Variants in EIF4G3 observed in about 807,000 individuals in gnomAD.
EIF4G3 encodes the protein eIF-4-gamma 3.
Under a neutral mutation model 186.4 loss-of-function variants are expected in EIF4G3, and 34 were observed. That is an observed-to-expected ratio of 0.18 (90% CI 0.14 to 0.24). EIF4G3 has a LOEUF of 0.24. Among genes scored for constraint, EIF4G3 ranks in the 10% least tolerant of loss-of-function variants. EIF4G3 has a pLI of 1.00. For synonymous variants in EIF4G3, 673 were observed against 679.5 expected (o/e 0.99, Z 0.15); for missense variants, 1,536 against 1,948.5 (o/e 0.79, Z 3.99).
chr1:20,878,867 G>C (rs1226059788), intron 20 of EIF4G3, among the ~76,000 whole-genome samples: 1 of 152,174 alleles, frequency 6.6e-6, no homozygotes, highest in Non-Finnish European at 1.5e-5. Flanking sequence ...CAGTTTCTAT[G>C]ACATGAAATT....
At chr1:21,034,976 G>A (rs1400738633) in intron 4 of EIF4G3, among the ~76,000 whole-genome samples, 1 of 152,098 alleles carries the variant, frequency 6.6e-6, no homozygotes, top group African/African-American at 2.4e-5. Flanking sequence ...CATCACCCCT[G>A]CCCTGGATGC....
intron 2 of EIF4G3, among the ~76,000 whole-genome samples, chr1:21,138,679 C>G (rs2097289430): frequency 6.6e-6 from 1 of 151,976 alleles, no homozygotes; most frequent in African/African-American, 2.4e-5. Flanking sequence ...GGCATGATGG[C>G]ACACGCCTGT....
rs533436891 is a variant in EIF4G3, at chr1:21,028,350, A to C, written c.-67+22516T>G. Among the ~76,000 whole-genome samples the C allele has an allele frequency of 4.0e-5, 6 of 150,518 alleles. No individual in the cohort carries two copies. In the South Asian group the frequency reaches 1.2e-3, roughly 31 times the overall value. On this transcript the variant is annotated intron_variant, in intron 4 of 36. Coordinates refer to ENST00000602326, the MANE Select transcript of EIF4G3 (RefSeq NM_001391906.1). ...AAAAAGAGAAAGGTTCAGAGATAAT[A>C]AAGTAAGTTGCCCAAGGTCACACAT...
intron 4 of EIF4G3, among the ~76,000 whole-genome samples, chr1:21,050,493 T>A (rs1021069209): frequency 2.0e-5 from 3 of 152,184 alleles, no homozygotes; most frequent in Non-Finnish European, 4.4e-5. Flanking sequence ...AGTTTTCACA[T>A]AAGTAGAAAA....
rs532360380 is a variant in EIF4G3, at chr1:20,962,821, A to C, written c.714+6653T>G. On this transcript the variant is annotated intron_variant, in intron 12 of 36. Transcript: ENST00000602326. ...CCCTTGAGCTTACTAAAATAGCAAC[A>C]GGAGGTGGCTATAAAATTACATTAG... Among the ~76,000 whole-genome samples, 1,094 of 152,292 alleles carry C rather than the reference A, an allele frequency of 7.2e-3. 5 individuals carry two copies. The highest frequency in any genetic ancestry group is 0.012 in the Non-Finnish European group (842 of 68,012).
At chr1:21,132,270 C>A (rs1006681935) in intron 2 of EIF4G3, among the ~76,000 whole-genome samples, 2 of 151,914 alleles carry the variant, frequency 1.3e-5, no homozygotes, top group Admixed American at 1.3e-4. Flanking sequence ...TAAAAAAATC[C>A]TCCCTGTTAA....
intron 14 of EIF4G3, among the ~76,000 whole-genome samples, chr1:20,931,932 AAAAAG>A (rs1478724027): frequency 4.6e-5 from 7 of 152,276 alleles, no homozygotes; most frequent in East Asian, 3.9e-4. Flanking sequence ...TTAAAAAAAA[AAAAAG>A]AAAGTAGGTA....
chr1:20,955,701 A>G (rs1350611273), intron 12 of EIF4G3, among the ~76,000 whole-genome samples: 1 of 152,202 alleles, frequency 6.6e-6, no homozygotes, highest in African/African-American at 2.4e-5. Context: ...GGTTGGGGGT[A>G]AACTGACTGG....
chr1:21,080,325 A>G (rs181092290), intron 3 of EIF4G3, among the ~76,000 whole-genome samples: 161 of 151,754 alleles, frequency 1.1e-3, no homozygotes, highest in African/African-American at 3.8e-3. Context: ...CAACAAAAAA[A>G]AAAGAGAGAG....
At position 20,810,318 on chromosome 1, in the gene EIF4G3, C is replaced by T. The variant is rs1482394841; in HGVS notation, c.4744+420G>A. ...TACAGGTGCCCGCCACCACACCCAG[C>T]TAATTTTTTGTATTTTTAGTAGAGA... On this transcript the variant is annotated intron_variant, in intron 36 of 36. Transcript: ENST00000602326. This position sits in a 1 kb window ranked among gnomAD's most constrained non-coding sequence, Gnocchi z 4.1. 1.3e-5 allele frequency among the ~76,000 whole-genome samples: 2 copies of T among 152,278 alleles called. No individual in the cohort carries two copies. Among genetic ancestry groups the T allele is most frequent in the African/African-American group, 4.8e-5 (2 of 41,562 alleles).
chr1:20,896,032 T>C (rs577820916), intron 16 of EIF4G3, among the ~76,000 whole-genome samples: 1 of 152,144 alleles, frequency 6.6e-6, no homozygotes, highest in Non-Finnish European at 1.5e-5. Context: ...TAGAAGACAG[T>C]GATGTTGATG....
At chr1:21,120,390 A>G (rs10916938) in intron 2 of EIF4G3, among the ~76,000 whole-genome samples, 61,132 of 151,614 alleles carry the variant, frequency 0.4, 12,629 homozygotes, top group Non-Finnish European at 0.43. Context: ...GTCCAGGCGC[A>G]GTGGCTCACA....
chr1:20,894,732 G>A (rs755688741), intron 17 of EIF4G3, among the ~76,000 whole-genome samples: 2 of 152,134 alleles, frequency 1.3e-5, no homozygotes, highest in African/African-American at 4.8e-5. Flanking sequence ...AATACTTCAA[G>A]CTTAATCATC....
chr1:21,033,714 T>C (rs2092938522), intron 4 of EIF4G3, among the ~76,000 whole-genome samples: 1 of 152,212 alleles, frequency 6.6e-6, no homozygotes, highest in African/African-American at 2.4e-5. Context: ...TGAAAATTCT[T>C]TTCCACAGTT....
intron 24 of EIF4G3, among the ~76,000 whole-genome samples, chr1:20,859,315 T>G (rs2075819712): frequency 6.6e-6 from 1 of 152,210 alleles, no homozygotes; most frequent in South Asian, 2.1e-4. Context: ...CAAAAGGCAC[T>G]GCACTAGGTA....
In EIF4G3 at chr1:21,176,236, C is replaced by CCGCCGG. The variant is rs1204844347; in HGVS notation, c.-334_-333insCCGGCG. ...GGGTGAGGAGGGGGGACCGCTGCCG[C>CCGCCGG]CGCCGCCGCCGCCGCCGCCGCCGCC... is the stretch of plus-strand genomic sequence containing the variant. On this transcript the variant is annotated 5_prime_UTR_variant, in exon 2 of 37. Coordinates refer to ENST00000602326, the MANE Select transcript of EIF4G3 (RefSeq NM_001391906.1). 1.4e-4 allele frequency: 44 copies of CCGCCGG among 319,064 alleles called. No individual in the cohort carries two copies. The highest frequency in any genetic ancestry group is 2.5e-4 in the Admixed American group (5 of 19,666). The allele number at this position is 319,064 out of a possible 1,614,324, so 19.8% of individuals were successfully genotyped here. A position where few individuals can be genotyped will look rare whatever the true frequency, so the allele number is the denominator to read the frequency against.
At chr1:21,005,592 A>G (rs1283760366) in intron 4 of EIF4G3, among the ~76,000 whole-genome samples, 2 of 152,292 alleles carry the variant, frequency 1.3e-5, no homozygotes, top group East Asian at 3.9e-4. Flanking sequence ...ACTTCACTCA[A>G]AATTTTAACA....
intron 18 of EIF4G3, among the ~76,000 whole-genome samples, 179 bp from the exon 19 acceptor site, chr1:20,886,550 A>G (rs1161815469): frequency 2.6e-5 from 4 of 152,200 alleles, no homozygotes; most frequent in Admixed American, 6.5e-5. Flanking sequence ...AATACCATCA[A>G]TGTAATGTTC....
intron 3 of EIF4G3, among the ~76,000 whole-genome samples, chr1:21,064,043 C>A (rs1178194068): frequency 2.0e-5 from 3 of 151,996 alleles, no homozygotes; most frequent in Admixed American, 6.5e-5. Flanking sequence ...TCATACTTTT[C>A]TCTGTGTTTC....
Sources: gnomAD v4.1 joint callset for allele counts (sites outside exome capture counted in the v4.1 genomes callset) on GRCh38, gnomAD v4.1.1 for gene constraint, Gnocchi (gnomAD v3.1) non-coding constraint, MANE v1.5 for transcripts, NCBI Gene and HGNC (gene_info 2026-07-23, HGNC 2026-07-21) for gene names.